CSMD1: variants seen among roughly 807,000 people sequenced by gnomAD.
CSMD1 encodes the protein CUB and Sushi multiple domains 1, also known as CUB and sushi domain-containing protein 1.
Under a neutral mutation model 417.5 loss-of-function variants are expected in CSMD1, and 213 were observed. The ratio of observed to expected loss-of-function variants is 0.51; its 90% CI spans 0.46 to 0.57. The LOEUF is 0.57. CSMD1 is among the 20% of genes least tolerant of loss of function. The pLI is 0.00. For synonymous variants in CSMD1, 2,862 were observed against 1,736.8 expected (o/e 1.65, Z -16.11); for missense variants, 6,923 against 4,529.7 (o/e 1.53, Z -15.17).
At chr8:4,017,904 G>C (rs906716522) in intron 4 of CSMD1, among the ~76,000 whole-genome samples, 1 of 152,046 alleles carries the variant, frequency 6.6e-6, no homozygotes, top group Non-Finnish European at 1.5e-5. Flanking sequence ...TAATCATCAC[G>C]GTATTTCTGA....
At chr8:3,636,815 TTTA>T (rs1797074498) in intron 7 of CSMD1, among the ~76,000 whole-genome samples, 1 of 152,180 alleles carries the variant, frequency 6.6e-6, no homozygotes. Flanking sequence ...ATATCTTTTC[TTTA>T]TTTTTTGCTA....
At chr8:3,233,831 A>G (rs1009582385) in intron 26 of CSMD1, among the ~76,000 whole-genome samples, 3 of 151,332 alleles carry the variant, frequency 2.0e-5, no homozygotes, top group Non-Finnish European at 4.4e-5. Context: ...ATTAGATTAC[A>G]GGATCTGCCT....
intron 3 of CSMD1, among the ~76,000 whole-genome samples, chr8:4,112,888 A>G (rs545557156): frequency 4.6e-5 from 7 of 152,194 alleles, no homozygotes; most frequent in Admixed American, 3.3e-4. Context: ...CCAACGTGGC[A>G]TCAAGCAAGT....
At position 3,186,487 on chromosome 8, in the gene CSMD1, G is replaced by T. The variant is rs533109952; in HGVS notation, c.5620+1382C>A. Among the ~76,000 whole-genome samples the T allele has an allele frequency of 4.1e-4, 62 of 152,248 alleles. 3 individuals are homozygous for T. In the South Asian group the frequency reaches 0.012, roughly 30 times the overall value. On this transcript the variant is annotated intron_variant, in intron 36 of 69. Transcript: ENST00000635120. ...CACTTTATTCCCAACACCTTAAATG[G>T]CCATGCCCAAATAAAAATATGGTTT...
chr8:4,029,663 C>T (rs556101849), intron 4 of CSMD1, among the ~76,000 whole-genome samples: 1 of 152,140 alleles, frequency 6.6e-6, no homozygotes, highest in South Asian at 2.1e-4. Flanking sequence ...CCTGGACCCA[C>T]CCAAATCTCA....
Position 3,107,791 on chromosome 8 carries a change from C to T in CSMD1, c.6762G>A (p.Gln2254=). ...GFFVLNFHAF[Q]LKKCQPPPAV... ...CTGGGGGAGGTTGACATTTCTTGAG[C>T]TGAAATGCTAAATGATTAATGGAAA... is the stretch of plus-strand genomic sequence containing the variant. Residue 2254 remains glutamine, a synonymous_variant, in exon 45 of 70, where the codon CAG becomes CAA. Coordinates refer to ENST00000635120, the MANE Select transcript of CSMD1 (RefSeq NM_033225.6). The T allele has an allele frequency of 6.4e-7, 1 of 1,574,406 alleles. No homozygotes were observed. Among genetic ancestry groups the T allele is most frequent in the Non-Finnish European group, 8.6e-7 (1 of 1,162,656 alleles).
intron 2 of CSMD1, among the ~76,000 whole-genome samples, chr8:4,438,001 G>A (rs949681232): frequency 2.0e-5 from 3 of 152,104 alleles, no homozygotes; most frequent in Non-Finnish European, 4.4e-5. Context: ...AAAGTGGTCT[G>A]ATCTGCATTT....
At chr8:3,804,212 G>A (rs1365453728) in intron 5 of CSMD1, among the ~76,000 whole-genome samples, 2 of 152,086 alleles carry the variant, frequency 1.3e-5, no homozygotes, top group Non-Finnish European at 2.9e-5. Context: ...GATTACAAGT[G>A]TGAGCCACTA....
chr8:4,137,896 G>A (rs1237154716), intron 3 of CSMD1, among the ~76,000 whole-genome samples: 1 of 151,552 alleles, frequency 6.6e-6, no homozygotes, highest in Non-Finnish European at 1.5e-5. Context: ...TTATTTACTT[G>A]AGATGAAGTC....
intron 10 of CSMD1, among the ~76,000 whole-genome samples, chr8:3,551,596 ATTTTTTTT>A (rs1194152215): frequency 5.8e-4 from 66 of 113,432 alleles, no homozygotes; most frequent in Admixed American, 2.2e-3. Flanking sequence ...ATATATATAT[ATTTTTTTT>A]TTTTTTTTTT....
At chr8:4,189,520 A>T (rs6558853) in intron 3 of CSMD1, among the ~76,000 whole-genome samples, 127,419 of 151,734 alleles carry the variant, frequency 0.84, 53,650 homozygotes, top group South Asian at 0.89. Context: ...ACATATATTA[A>T]AGATCAATCA....
intron 1 of CSMD1, among the ~76,000 whole-genome samples, chr8:4,701,454 G>T (rs574303123): frequency 4.6e-5 from 7 of 151,974 alleles, no homozygotes; most frequent in Non-Finnish European, 7.4e-5. Flanking sequence ...ATGGGGAGGG[G>T]CCATGCACAG....
intron 18 of CSMD1, among the ~76,000 whole-genome samples, chr8:3,377,576 C>T (rs143708292): frequency 0.013 from 2,029 of 152,176 alleles, 18 homozygotes; most frequent in Non-Finnish European, 0.02. Context: ...ATTCCCACTC[C>T]GTTTCTCCTA....
chr8:3,830,802 T>C (rs1020585713), intron 5 of CSMD1, among the ~76,000 whole-genome samples: 5 of 152,192 alleles, frequency 3.3e-5, no homozygotes, highest in African/African-American at 1.2e-4. Flanking sequence ...AAATGCTAAC[T>C]GAAATAAAAT....
At chr8:4,552,415 A>T (rs1003471209) in intron 2 of CSMD1, among the ~76,000 whole-genome samples, 1 of 151,986 alleles carries the variant, frequency 6.6e-6, no homozygotes, top group Non-Finnish European at 1.5e-5. Flanking sequence ...ACTTGCATCC[A>T]TTCCCATCTC....
intron 6 of CSMD1, among the ~76,000 whole-genome samples, chr8:3,737,168 T>C (rs974530622): frequency 2.6e-5 from 4 of 152,228 alleles, no homozygotes; most frequent in African/African-American, 9.6e-5. Context: ...TTAATAAAAA[T>C]TGCATTTCCT....
chr8:3,705,878 C>A (rs887044027), intron 7 of CSMD1, among the ~76,000 whole-genome samples: 1 of 152,172 alleles, frequency 6.6e-6, no homozygotes, highest in African/African-American at 2.4e-5. Context: ...CTGAAGGCAC[C>A]AGCACTTCAC....
chr8:3,438,041 A>C (rs1814690514), intron 12 of CSMD1, among the ~76,000 whole-genome samples: 1 of 152,204 alleles, frequency 6.6e-6, no homozygotes, highest in African/African-American at 2.4e-5. Flanking sequence ...GTTTTTGTAC[A>C]AATAAGAATT....
rs114516030 is a variant in CSMD1, at chr8:3,580,974, T to C, written c.1222+5162A>G. Among the ~76,000 whole-genome samples, 1,256 of 152,342 alleles carry C rather than the reference T, an allele frequency of 8.2e-3. 23 individuals carry two copies. The highest frequency in any genetic ancestry group is 0.029 in the African/African-American group (1,202 of 41,582). ...AAATTCCAACGCAATAATAACTTTA[T>C]TCCCTGACTCTGCCTGGCTCCAATT... is the stretch of plus-strand genomic sequence containing the variant. On this transcript the variant is annotated intron_variant, in intron 9 of 69. Transcript: ENST00000635120.
Sources: allele counts gnomAD v4.1 joint callset (sites outside exome capture counted in the v4.1 genomes callset), GRCh38; gene constraint gnomAD v4.1.1; transcripts MANE v1.5; gene names NCBI Gene and HGNC (gene_info 2026-07-23, HGNC 2026-07-21).